The following AXL variants were observed in gnomAD, a reference collection of about 807,000 sequenced individuals.
The protein encoded by AXL is tyrosine-protein kinase receptor UFO.
Under a neutral mutation model 104.5 loss-of-function variants are expected in AXL, and 52 were observed. That is an observed-to-expected ratio of 0.50 (90% CI 0.40 to 0.63). The LOEUF is 0.63. Ranked by LOEUF, AXL falls within the 20% of genes least tolerant of loss-of-function variation. The pLI, the probability that AXL is intolerant of heterozygous loss-of-function variation, is 0.00. For missense variants in AXL, 1,024 were observed against 1,188.5 expected, an observed-to-expected ratio of 0.86 and a Z score of 2.04; for synonymous variants, 455 against 473.7, an observed-to-expected ratio of 0.96 and a Z score of 0.51.
chr19:41,228,423 G>A (rs943772833), intron 4 of AXL, among the ~76,000 whole-genome samples: 8 of 152,018 alleles, frequency 5.3e-5, no homozygotes, highest in South Asian at 2.1e-4. Flanking sequence ...GCATGGTGGC[G>A]CGCTCCTGTA....
chr19:41,219,692 G>T (rs570580458), intron 1 of AXL, among the ~76,000 whole-genome samples: 1 of 151,308 alleles, frequency 6.6e-6, no homozygotes, highest in Non-Finnish European at 1.5e-5. Context: ...TGAAGGGCAG[G>T]GGGGACAGAA....
chr19:41,247,160 C>G lies in AXL; in HGVS notation c.1538-1354C>G, dbSNP rs542691112. Among the ~76,000 whole-genome samples the G allele has an allele frequency of 3.9e-5, 6 of 152,282 alleles. No individual in the cohort carries two copies. The South Asian group carries it at 1.2e-3, about 32-fold the overall frequency. On this transcript the variant is annotated intron_variant, in intron 12 of 19. Transcript: ENST00000301178. ...CAAGAAAGTGGCTACCCCAGGAGGG[C>G]AGGTCATGTTCTGTTCTTGGCCTGA...
chr19:41,224,084 G>A (rs185545764), intron 4 of AXL, among the ~76,000 whole-genome samples: 5 of 152,144 alleles, frequency 3.3e-5, no homozygotes, highest in East Asian at 3.9e-4. Flanking sequence ...GGGGTTGCCC[G>A]TGTGTGGGTG....
intron 19 of AXL, among the ~76,000 whole-genome samples, chr19:41,259,122 A>G (rs971027876): frequency 2.0e-5 from 3 of 152,206 alleles, no homozygotes; most frequent in Non-Finnish European, 4.4e-5. Context: ...CTGCCAAATC[A>G]GAAGCAAGTC....
At chr19:41,235,966 G>A (rs1216195106) in intron 6 of AXL, among the ~76,000 whole-genome samples, 2 of 152,016 alleles carry the variant, frequency 1.3e-5, no homozygotes, top group Admixed American at 6.6e-5. Context: ...GGAGGCCGAG[G>A]CAGGTGGATT....
At chr19:41,241,640 G>A (rs935991822) in intron 10 of AXL, among the ~76,000 whole-genome samples, 1 of 150,668 alleles carries the variant, frequency 6.6e-6, no homozygotes, top group Admixed American at 6.6e-5. Flanking sequence ...TGCAGTCCCA[G>A]CTACTCAGGA....
At chr19:41,227,365 C>CAT (rs1012349731) in intron 4 of AXL, among the ~76,000 whole-genome samples, 5 of 151,992 alleles carry the variant, frequency 3.3e-5, no homozygotes, top group African/African-American at 9.7e-5. Flanking sequence ...AACCTCAGTA[C>CAT]ATATATATAT....
chr19:41,259,914 C>T lies in AXL; in HGVS notation c.*10C>T, dbSNP rs756095111. 1.9e-6 allele frequency: 3 copies of T among 1,540,682 alleles called. No individual in the cohort carries two copies. The East Asian group carries it at 6.8e-5, about 35-fold the overall frequency. ...GGAGGATGGTGCCTGAGACAACCCTCCACCTGGTACTCCCTCTCAGGATCC... is the reference window on the plus strand; with the variant it reads ...GGAGGATGGTGCCTGAGACAACCCTTCACCTGGTACTCCCTCTCAGGATCC... On this transcript the variant is annotated 3_prime_UTR_variant, in exon 20 of 20. Transcript: ENST00000301178.
At chr19:41,235,139 G>A (rs374607889) in intron 6 of AXL, among the ~76,000 whole-genome samples, 10 of 152,226 alleles carry the variant, frequency 6.6e-5, no homozygotes, top group African/African-American at 2.4e-4. Flanking sequence ...ATCACCTGAG[G>A]TAGGGAGTTT....
At chr19:41,252,726 C>G (rs1451329815) in intron 15 of AXL, 120 bp from the exon 16 acceptor site, 1 of 1,529,750 alleles carries the variant, frequency 6.5e-7, no homozygotes, top group African/African-American at 1.4e-5. Context: ...CCACTACCCC[C>G]AAACAATATG....
chr19:41,221,678 G>C (rs1178151547), intron 3 of AXL: 4 of 574,792 alleles, frequency 7.0e-6, no homozygotes, highest in Middle Eastern at 4.6e-4. Context: ...CAGCTATCGT[G>C]GGGGGTCTGA....
chr19:41,255,478 TC>T (rs557742624), intron 17 of AXL, among the ~76,000 whole-genome samples: 166 of 151,880 alleles, frequency 1.1e-3, no homozygotes, highest in African/African-American at 3.8e-3. Context: ...TCTTACTCTG[TC>T]CTTTAGGGTG....
intron 6 of AXL, among the ~76,000 whole-genome samples, chr19:41,235,207 C>T (rs56266222): frequency 0.062 from 9,409 of 151,920 alleles, 373 homozygotes; most frequent in South Asian, 0.2. Context: ...CAGAATTAGC[C>T]GGGTGTGGTG....
At chr19:41,221,065 C>A (rs891695810) in intron 2 of AXL, 81 bp from the exon 3 acceptor site, 6 of 1,360,794 alleles carry the variant, frequency 4.4e-6, no homozygotes, top group Non-Finnish European at 6.1e-6. Flanking sequence ...AGACTGGACA[C>A]CCTCTTTCCG....
At chr19:41,248,867 C>T in intron 14 of AXL, 47 bp downstream of exon 14, 1 of 1,530,730 alleles carries the variant, frequency 6.5e-7, no homozygotes, top group South Asian at 1.3e-5. Flanking sequence ...TTCCCTATGC[C>T]CCTGAGACAG....
chr19:41,244,328 G>T (rs1266026091), intron 12 of AXL, among the ~76,000 whole-genome samples: 1 of 152,122 alleles, frequency 6.6e-6, no homozygotes, highest in Non-Finnish European at 1.5e-5. Flanking sequence ...TGATGATGAT[G>T]AAATAATGTT....
At chr19:41,222,821 G>A (rs1257417799) in intron 4 of AXL, among the ~76,000 whole-genome samples, 2 of 150,624 alleles carry the variant, frequency 1.3e-5, no homozygotes, top group South Asian at 2.1e-4. Context: ...CAGGAGAATG[G>A]CAGGAACCCG....
intron 4 of AXL, among the ~76,000 whole-genome samples, chr19:41,228,735 G>C (rs1267511052): frequency 6.6e-6 from 1 of 152,248 alleles, no homozygotes; most frequent in Non-Finnish European, 1.5e-5. Flanking sequence ...TGACACAGCA[G>C]GGGACGAAAC....
chr19:41,234,996 A>G (rs1486319441), intron 6 of AXL, among the ~76,000 whole-genome samples: 1 of 152,190 alleles, frequency 6.6e-6, no homozygotes, highest in East Asian at 1.9e-4. Context: ...CGGGTGGAAT[A>G]GGTATGGGAA....
Sources: allele counts gnomAD v4.1 joint callset (sites outside exome capture counted in the v4.1 genomes callset), GRCh38; gene constraint gnomAD v4.1.1; transcripts MANE v1.5; gene names NCBI Gene and HGNC (gene_info 2026-07-23, HGNC 2026-07-21).